CFAP107: variants seen among roughly 807,000 people sequenced by gnomAD.
CFAP107 encodes cilia- and flagella-associated protein 107.
the CFAP107 span, chr1:12,746,423 T>C: frequency 1.9e-6 from 3 of 1,609,468 alleles, no homozygotes; most frequent in Non-Finnish European, 2.6e-6. Context: ...CTGGGGCAAA[T>C]CCTTAACATG....
chr1:12,749,454 T>C, the CFAP107 span, among the ~76,000 whole-genome samples: 1 of 152,002 alleles, frequency 6.6e-6, no homozygotes, highest in Non-Finnish European at 1.5e-5. Context: ...CTACAAAAGA[T>C]ATACAAATTA....
chr1:12,750,706 A>G, the CFAP107 span, among the ~76,000 whole-genome samples: 1 of 152,210 alleles, frequency 6.6e-6, no homozygotes, highest in Non-Finnish European at 1.5e-5. Context: ...CACACCAAAT[A>G]TTAGAGCTCT....
chr1:12,757,105 T>A, the CFAP107 span, among the ~76,000 whole-genome samples: 1 of 152,178 alleles, frequency 6.6e-6, no homozygotes, highest in Non-Finnish European at 1.5e-5. Context: ...CAAGTCAAAG[T>A]TAGAACCCAG....
At chr1:12,752,515 C>T in the CFAP107 span, among the ~76,000 whole-genome samples, 4 of 119,258 alleles carry the variant, frequency 3.4e-5, no homozygotes, top group Non-Finnish European at 6.4e-5. Flanking sequence ...TGCAGTGAGC[C>T]AAGATCTCAC....
the CFAP107 span, among the ~76,000 whole-genome samples, chr1:12,752,558 A>T: frequency 8.2e-5 from 12 of 146,790 alleles, no homozygotes; most frequent in African/African-American, 3.0e-4. Context: ...CTCTGTCTAA[A>T]AAAAAAAAAA....
At chr1:12,747,055 T>C in the CFAP107 span, among the ~76,000 whole-genome samples, 7 of 150,980 alleles carry the variant, frequency 4.6e-5, no homozygotes, top group Non-Finnish European at 7.4e-5. Context: ...GCCCTACTAA[T>C]GCATTTCAAT....
chr1:12,755,559 T>G, the CFAP107 span: 10 of 679,544 alleles, frequency 1.5e-5, no homozygotes, highest in South Asian at 1.4e-4. Flanking sequence ...GCAAGCTCTT[T>G]CCTGTGTTGG....
the CFAP107 span, among the ~76,000 whole-genome samples, chr1:12,749,730 A>G: frequency 6.6e-6 from 1 of 152,244 alleles, no homozygotes; most frequent in African/African-American, 2.4e-5. Flanking sequence ...AAATACTGTT[A>G]TCTGATAATT....
chr1:12,755,900 C>T, the CFAP107 span: 1 of 891,080 alleles, frequency 1.1e-6, no homozygotes, highest in East Asian at 2.5e-5. Context: ...AGGCTTAGTA[C>T]CGTCTTGGGG....
At chr1:12,751,704 T>C in the CFAP107 span, among the ~76,000 whole-genome samples, 1 of 152,086 alleles carries the variant, frequency 6.6e-6, no homozygotes, top group South Asian at 2.1e-4. Context: ...AATGATTATC[T>C]ATATTGACTA....
At chr1:12,759,555 C>T in the CFAP107 span, 1 of 1,574,984 alleles carries the variant, frequency 6.3e-7, no homozygotes, top group African/African-American at 1.3e-5. Flanking sequence ...CGGAGCTGTA[C>T]CTGCCTCATG....
chr1:12,750,399 T>C, the CFAP107 span, among the ~76,000 whole-genome samples: 1 of 152,176 alleles, frequency 6.6e-6, no homozygotes, highest in African/African-American at 2.4e-5. Flanking sequence ...CACTTTTAAA[T>C]GTAAATGGAT....
At chr1:12,748,430 C>CA in the CFAP107 span, among the ~76,000 whole-genome samples, 1 of 137,948 alleles carries the variant, frequency 7.2e-6, no homozygotes, top group African/African-American at 2.6e-5. Context: ...GAAATTAAAA[C>CA]ATTTAAAAGC....
the CFAP107 span, among the ~76,000 whole-genome samples, chr1:12,756,789 G>A: frequency 3.9e-5 from 6 of 152,304 alleles, no homozygotes; most frequent in South Asian, 1.2e-3. Flanking sequence ...AGCGGCCCGA[G>A]GTGTGAAGTG....
chr1:12,761,621 C>A, the CFAP107 span: 7 of 151,784 alleles, frequency 4.6e-5, no homozygotes, highest in African/African-American at 1.7e-4. Context: ...ACTGCAACCT[C>A]TGCCTCCAGG....
chr1:12,746,851 A>G, the CFAP107 span, among the ~76,000 whole-genome samples: 20 of 152,040 alleles, frequency 1.3e-4, no homozygotes, highest in South Asian at 3.9e-3. Flanking sequence ...GCCTCTCAGC[A>G]CTCTTCTCAG....
At chr1:12,749,540 G>A in the CFAP107 span, among the ~76,000 whole-genome samples, 1 of 152,168 alleles carries the variant, frequency 6.6e-6, no homozygotes, top group Non-Finnish European at 1.5e-5. Flanking sequence ...GAGCCTGGGA[G>A]GTGGAGGTTC....
the CFAP107 span, chr1:12,761,818 G>A: frequency 5.3e-5 from 8 of 152,316 alleles, no homozygotes; most frequent in African/African-American, 2.4e-5. Flanking sequence ...TAGCAGGCGT[G>A]AGCCACCGCA....
chr1:12,756,736 G>A, the CFAP107 span, among the ~76,000 whole-genome samples: 1 of 152,180 alleles, frequency 6.6e-6, no homozygotes, highest in Non-Finnish European at 1.5e-5. Context: ...TTGGAATTGG[G>A]GCATTTTAGT....
Sources: allele counts gnomAD v4.1 joint callset (sites outside exome capture counted in the v4.1 genomes callset), GRCh38; gene constraint gnomAD v4.1.1; transcripts MANE v1.5; gene names NCBI Gene and HGNC (gene_info 2026-07-23, HGNC 2026-07-21).